The following GRIP1 variants were observed in gnomAD, a reference collection of about 807,000 sequenced individuals.
The protein encoded by GRIP1 is glutamate receptor-interacting protein 1.
A neutral mutation model predicts 129.9 loss-of-function variants in GRIP1; 45 were observed. That is an observed-to-expected ratio of 0.35 (90% CI 0.27 to 0.44). The LOEUF is 0.44. GRIP1 is among the 20% of genes least tolerant of loss of function. The pLI is 1.00. For synonymous variants in GRIP1, 530 were observed against 520.8 expected (o/e 1.02, Z -0.24); for missense variants, 1,196 against 1,396.8 (o/e 0.86, Z 2.29).
intron 1 of GRIP1, among the ~76,000 whole-genome samples, chr12:66,818,903 G>A (rs949638504): frequency 6.6e-6 from 1 of 152,122 alleles, no homozygotes; most frequent in African/African-American, 2.4e-5. Context: ...ATAGAGAAGA[G>A]CCTTGGTTTA....
chr12:66,725,637 T>C (rs1470713618), intron 1 of GRIP1, among the ~76,000 whole-genome samples: 1 of 152,122 alleles, frequency 6.6e-6, no homozygotes, highest in Non-Finnish European at 1.5e-5. Context: ...CTAGAAATGA[T>C]GTAAGCGATC....
chr12:66,519,100 C>G (rs933451837), intron 5 of GRIP1, among the ~76,000 whole-genome samples: 1 of 150,700 alleles, frequency 6.6e-6, no homozygotes, highest in African/African-American at 2.5e-5. Context: ...TTTCCCAAAC[C>G]TGGCATAGGC....
chr12:66,673,344 C>T (rs1004387549), intron 1 of GRIP1, among the ~76,000 whole-genome samples: 1 of 152,200 alleles, frequency 6.6e-6, no homozygotes, highest in South Asian at 2.1e-4. Context: ...TCCTCCTAAA[C>T]ATTTCCCAAA....
chr12:66,701,963 G>A (rs2136356185), intron 1 of GRIP1, among the ~76,000 whole-genome samples: 1 of 152,246 alleles, frequency 6.6e-6, no homozygotes, highest in South Asian at 2.1e-4. Flanking sequence ...TTTAATGGAT[G>A]CTGATGTTAT....
At chr12:66,961,598 C>T (rs1298464842) in intron 1 of GRIP1, among the ~76,000 whole-genome samples, 2 of 152,064 alleles carry the variant, frequency 1.3e-5, no homozygotes, top group Non-Finnish European at 2.9e-5. Flanking sequence ...TTGGGAAGTT[C>T]AGAAGGATTT....
chr12:66,558,595 A>G (rs536226843), intron 2 of GRIP1, among the ~76,000 whole-genome samples: 8 of 152,282 alleles, frequency 5.3e-5, no homozygotes, highest in African/African-American at 1.9e-4. Flanking sequence ...ATAAATTCCT[A>G]TATAAATAAA....
intron 1 of GRIP1, among the ~76,000 whole-genome samples, chr12:66,731,704 A>G (rs1162760250): frequency 6.6e-6 from 1 of 152,220 alleles, no homozygotes; most frequent in African/African-American, 2.4e-5. Context: ...ATGTGCAACA[A>G]TGTGAAGGTG....
At chr12:66,719,060 T>C (rs1002384162) in intron 1 of GRIP1, among the ~76,000 whole-genome samples, 6 of 152,104 alleles carry the variant, frequency 3.9e-5, no homozygotes, top group African/African-American at 1.4e-4. Context: ...TAATACTTAT[T>C]ACTGGGAAAC....
intron 2 of GRIP1, among the ~76,000 whole-genome samples, chr12:66,573,664 A>C (rs1215320378): frequency 3.9e-5 from 6 of 152,124 alleles, no homozygotes; most frequent in African/African-American, 7.2e-5. Context: ...TATGCTTAGA[A>C]AGTTCTACCT....
intron 1 of GRIP1, chr12:66,803,913 A>G (rs914564525): frequency 9.3e-6 from 3 of 324,274 alleles, no homozygotes; most frequent in African/African-American, 6.5e-5. Flanking sequence ...CAAGCAAAAC[A>G]TAGCACTTCA....
intron 1 of GRIP1, among the ~76,000 whole-genome samples, chr12:66,739,198 AC>A (rs1301656636): frequency 6.6e-6 from 1 of 152,146 alleles, no homozygotes; most frequent in African/African-American, 2.4e-5. Flanking sequence ...ATTAACACCT[AC>A]TGAGTACTTA....
chr12:66,539,015 T>C (rs4628762), intron 4 of GRIP1, 63 bp downstream of exon 4: 1 of 1,384,310 alleles, frequency 7.2e-7, no homozygotes, highest in East Asian at 2.3e-5. Flanking sequence ...ATGAGCAGTT[T>C]TAGGCATCCA....
At chr12:66,621,034 A>G (rs2065246270) in intron 1 of GRIP1, among the ~76,000 whole-genome samples, 1 of 146,572 alleles carries the variant, frequency 6.8e-6, no homozygotes, top group Non-Finnish European at 1.5e-5. Context: ...GTTTTAACAT[A>G]TTTTTGGAAA....
chr12:66,565,400 T>C (rs1273909228), intron 2 of GRIP1, among the ~76,000 whole-genome samples: 1 of 152,208 alleles, frequency 6.6e-6, no homozygotes, highest in Non-Finnish European at 1.5e-5. Context: ...CCATTTCTTG[T>C]TTTTGTCAGG....
At chr12:66,437,862 C>T (rs1401583101) in intron 13 of GRIP1, among the ~76,000 whole-genome samples, 2 of 152,196 alleles carry the variant, frequency 1.3e-5, no homozygotes, top group Non-Finnish European at 2.9e-5. Context: ...ATCCTGGTAA[C>T]ATCTCTTTGA....
chr12:66,576,944 C>T (rs954409429), intron 2 of GRIP1, among the ~76,000 whole-genome samples: 5 of 152,308 alleles, frequency 3.3e-5, no homozygotes, highest in Admixed American at 3.3e-4. Flanking sequence ...AAAATACAGT[C>T]ATAATCTGCG....
chr12:66,564,912 A>G (rs1273337282), intron 2 of GRIP1, among the ~76,000 whole-genome samples: 1 of 152,224 alleles, frequency 6.6e-6, no homozygotes, highest in Non-Finnish European at 1.5e-5. Context: ...CCTGTTGGCT[A>G]CAGAAATGTC....
At chr12:67,053,993 T>C (rs2043390848) in intron 1 of GRIP1, among the ~76,000 whole-genome samples, 1 of 152,134 alleles carries the variant, frequency 6.6e-6, no homozygotes, top group South Asian at 2.1e-4. Context: ...TTTCCAGTGG[T>C]GAAAGAGAAA....
intron 5 of GRIP1, among the ~76,000 whole-genome samples, chr12:66,525,331 C>G (rs1018632755): frequency 1.3e-5 from 2 of 152,172 alleles, no homozygotes; most frequent in African/African-American, 4.8e-5. Flanking sequence ...GCTTATCCAC[C>G]ATGATCAAGT....
Sources: allele counts gnomAD v4.1 joint callset (sites outside exome capture counted in the v4.1 genomes callset), GRCh38; gene constraint gnomAD v4.1.1; transcripts MANE v1.5; gene names NCBI Gene and HGNC (gene_info 2026-07-23, HGNC 2026-07-21).